Variants in RGS6 observed in about 807,000 individuals in gnomAD.
The protein encoded by RGS6 is regulator of G protein signaling 6, also known as regulator of G-protein signaling 6.
In RGS6, 30 loss-of-function variants were observed where a neutral mutation model predicts 78.5. The observed-to-expected ratio is 0.38, with a 90% CI of 0.29 to 0.52. RGS6 has a LOEUF of 0.52. Among genes scored for constraint, RGS6 ranks in the 20% least tolerant of loss-of-function variants. The pLI, the probability that RGS6 is intolerant of heterozygous loss-of-function variation, is 0.85. For missense variants in RGS6, 495 were observed against 609.7 expected (o/e 0.81, Z 1.98); for synonymous variants, 206 against 206.0 (o/e 1.00, Z 0.00).
At chr14:72,434,597 A>G (rs1329931442) in intron 3 of RGS6, among the ~76,000 whole-genome samples, 3 of 152,194 alleles carry the variant, frequency 2.0e-5, no homozygotes, top group African/African-American at 7.2e-5. Context: ...GCTGATCTCA[A>G]CAAGTAAACA....
intron 2 of RGS6, among the ~76,000 whole-genome samples, chr14:72,188,955 G>A (rs1030522653): frequency 2.0e-5 from 3 of 152,134 alleles, no homozygotes; most frequent in African/African-American, 7.2e-5. Flanking sequence ...AGAAGGTTTG[G>A]GTCATTATTC....
chr14:72,223,799 A>T (rs1321766860), intron 2 of RGS6, among the ~76,000 whole-genome samples: 2 of 152,232 alleles, frequency 1.3e-5, no homozygotes, highest in Non-Finnish European at 2.9e-5. Context: ...AAATGGGGAG[A>T]AAAGCACCTG....
At chr14:72,050,653 T>G (rs917085195) in intron 2 of RGS6, among the ~76,000 whole-genome samples, 1 of 152,218 alleles carries the variant, frequency 6.6e-6, no homozygotes, top group African/African-American at 2.4e-5. Context: ...GTCTCAAAAT[T>G]GTGTTCTCCT....
the RGS6 span, among the ~76,000 whole-genome samples, chr14:72,593,751 C>A: frequency 9.2e-4 from 140 of 152,274 alleles, no homozygotes; most frequent in African/African-American, 3.2e-3. Context: ...AGACAGAAAT[C>A]CAATCTAGTG....
At chr14:72,225,468 C>G (rs548967099) in intron 2 of RGS6, among the ~76,000 whole-genome samples, 2 of 152,168 alleles carry the variant, frequency 1.3e-5, no homozygotes, top group East Asian at 3.9e-4. Context: ...GGGCTACAGG[C>G]ATGCATCACC....
At chr14:72,072,052 C>T (rs72737858) in intron 2 of RGS6, among the ~76,000 whole-genome samples, 33,884 of 152,146 alleles carry the variant, frequency 0.22, 3,879 homozygotes, top group Admixed American at 0.28. Flanking sequence ...TCTCTTGCAG[C>T]TTCCTGTGTT....
At chr14:72,223,680 G>A (rs773731601) in intron 2 of RGS6, among the ~76,000 whole-genome samples, 1 of 152,234 alleles carries the variant, frequency 6.6e-6, no homozygotes, top group Non-Finnish European at 1.5e-5. Flanking sequence ...TTATTCCAGA[G>A]TCAGGAAGAG....
chr14:72,193,786 G>A (rs2039329770), intron 2 of RGS6, among the ~76,000 whole-genome samples: 1 of 152,148 alleles, frequency 6.6e-6, no homozygotes, highest in Non-Finnish European at 1.5e-5. Context: ...CAAGGTATAT[G>A]GCTGGTAGAA....
chr14:71,931,865 A>C (rs1421650802), upstream of RGS6, among the ~76,000 whole-genome samples: 1 of 152,206 alleles, frequency 6.6e-6, no homozygotes, highest in Non-Finnish European at 1.5e-5. Context: ...AGTGTTCCAG[A>C]TAGGAATCAT....
the RGS6 span, among the ~76,000 whole-genome samples, chr14:72,600,992 G>A: frequency 3.4e-5 from 5 of 149,040 alleles, no homozygotes; most frequent in East Asian, 8.4e-4. Flanking sequence ...GAGAGGAAGA[G>A]GAGGAGGAGG....
chr14:72,295,025 C>T (rs1188427504), intron 2 of RGS6, among the ~76,000 whole-genome samples: 2 of 152,284 alleles, frequency 1.3e-5, no homozygotes, highest in Middle Eastern at 6.8e-3. Context: ...GGCGCGGTGG[C>T]TCACGCCTGT....
At chr14:72,119,577 G>A (rs1039193961) in intron 2 of RGS6, among the ~76,000 whole-genome samples, 1 of 152,154 alleles carries the variant, frequency 6.6e-6, no homozygotes, top group African/African-American at 2.4e-5. Context: ...GAAAATAACA[G>A]TCATATATAC....
At chr14:71,894,576 G>T in the RGS6 span, among the ~76,000 whole-genome samples, 2 of 152,008 alleles carry the variant, frequency 1.3e-5, no homozygotes, top group Non-Finnish European at 2.9e-5. Context: ...CTAAGGACTC[G>T]CCCTGAATTC....
chr14:71,949,876 T>G (rs2092104244), intron 1 of RGS6, among the ~76,000 whole-genome samples: 1 of 151,894 alleles, frequency 6.6e-6, no homozygotes, highest in Non-Finnish European at 1.5e-5. Context: ...GGCATCCGTA[T>G]TTGTTTTGTT....
At chr14:72,511,732 G>A (rs759452212) in intron 14 of RGS6, 10 of 152,240 alleles carry the variant, frequency 6.6e-5, no homozygotes, top group Non-Finnish European at 1.2e-4. Context: ...CACTCCATAA[G>A]GTCCTGAGAG....
chr14:72,353,120 T>G (rs1239762328), intron 3 of RGS6, among the ~76,000 whole-genome samples: 1 of 152,152 alleles, frequency 6.6e-6, no homozygotes, highest in Non-Finnish European at 1.5e-5. Flanking sequence ...TGCAGCTACT[T>G]TGGGAACTAG....
At chr14:72,221,873 C>T (rs2046946579) in intron 2 of RGS6, among the ~76,000 whole-genome samples, 1 of 152,160 alleles carries the variant, frequency 6.6e-6, no homozygotes, top group Non-Finnish European at 1.5e-5. Flanking sequence ...GGGTCAATCC[C>T]ATTAACCCCA....
At chr14:72,339,545 G>C (rs887127871) in intron 2 of RGS6, among the ~76,000 whole-genome samples, 4 of 152,154 alleles carry the variant, frequency 2.6e-5, no homozygotes, top group African/African-American at 9.7e-5. Flanking sequence ...AATTTAGAAA[G>C]ACTAGGGGGT....
At chr14:72,447,831 G>A (rs1324338181) in intron 3 of RGS6, among the ~76,000 whole-genome samples, 2 of 152,112 alleles carry the variant, frequency 1.3e-5, no homozygotes, top group African/African-American at 4.8e-5. Flanking sequence ...AGCCTCCCAA[G>A]TAGCTGGGAT....
Sources: allele counts gnomAD v4.1 joint callset (sites outside exome capture counted in the v4.1 genomes callset), GRCh38; gene constraint gnomAD v4.1.1; transcripts MANE v1.5; gene names NCBI Gene and HGNC (gene_info 2026-07-23, HGNC 2026-07-21).